The following TRIM68 variants were observed in gnomAD, a reference collection of about 807,000 sequenced individuals.
TRIM68 encodes E3 ubiquitin-protein ligase TRIM68.
A neutral mutation model predicts 41.9 loss-of-function variants in TRIM68; 36 were observed. The observed-to-expected ratio is 0.86, with a 90% confidence interval of 0.66 to 1.14. The LOEUF (loss-of-function observed/expected upper bound fraction) is 1.14, where lower values mean the gene tolerates loss of function less well. Ranked by LOEUF, TRIM68 falls within the 50% of genes most tolerant of loss-of-function variation. The pLI is 0.00. For missense variants in TRIM68, 632 were observed against 605.1 expected (o/e 1.04, Z -0.47); for synonymous variants, 225 against 224.6 (o/e 1.00, Z -0.02).
Position 4,600,372 on chromosome 11 carries a change from G to C in TRIM68, c.1362C>G (p.Phe454Leu). ...SHIFTFPRYPFPGRLLPYFSP... is the reference protein window; with the variant it reads ...SHIFTFPRYPLPGRLLPYFSP... ...TAAAATAGGGCAGGAGGCGCCCAGG[G>C]AAGGGATAGCGGGGGAAAGTGAAGA... Residue 454 changes from phenylalanine (F) to leucine (L), a missense_variant, in exon 7 of 7, where the codon TTC becomes TTG. Coordinates refer to ENST00000300747, the MANE Select transcript of TRIM68 (RefSeq NM_018073.8). 1.9e-6 allele frequency: 3 copies of C among 1,614,094 alleles called. No homozygotes were observed. Among genetic ancestry groups the C allele is most frequent in the Non-Finnish European group, 2.5e-6 (3 of 1,179,992 alleles).
chr11:4,607,206 T>C (rs1235994257), intron 1 of TRIM68, among the ~76,000 whole-genome samples: 1 of 152,230 alleles, frequency 6.6e-6, no homozygotes, highest in Non-Finnish European at 1.5e-5. Flanking sequence ...TTGACGTCAT[T>C]TGCCATGTAT....
chr11:4,603,906 GCTATTTTAACAAAATAGCAA>G (rs1564865949), intron 2 of TRIM68, among the ~76,000 whole-genome samples: 1 of 152,122 alleles, frequency 6.6e-6, no homozygotes, highest in Non-Finnish European at 1.5e-5. Flanking sequence ...ATTTAATTCT[GCTATTTTAACAAAATAGCAA>G]CTATTTTGTT....
rs778014134 is a variant in TRIM68, at chr11:4,600,690, CA to C, written c.1043del (p.Leu348ArgfsTer32). The part of the protein sequence containing the change: ...PERFYRYNIV[L>X]GSQCISSGRH... ...GGCCTGAGGAGATGCACTGGCTTCCCAGGACGATATTATAGCGGTAAAATCT... is the reference window on the plus strand; with the variant it reads ...GGCCTGAGGAGATGCACTGGCTTCCCGGACGATATTATAGCGGTAAAATCT... On this transcript the variant is annotated frameshift_variant, in exon 7 of 7. Coordinates refer to ENST00000300747, the MANE Select transcript of TRIM68 (RefSeq NM_018073.8). LOFTEE classifies it low-confidence loss of function (END_TRUNC). The C allele has an allele frequency of 9.3e-6, 15 of 1,614,176 alleles. No homozygotes were observed. The highest frequency in any genetic ancestry group is 1.3e-5 in the Non-Finnish European group (15 of 1,180,032).
chr11:4,603,551 T>A lies in TRIM68; in HGVS notation c.427-211A>T, dbSNP rs2231966. On this transcript the variant is annotated intron_variant, in intron 2 of 6. Transcript: ENST00000300747. The stretch of plus-strand genomic sequence containing the variant: ...CATTTCAACTCCCACAGTCTCTAAA[T>A]GTCTGTAAACTGGAAGAAAAGGTCC... Among the ~76,000 whole-genome samples, 875 of 152,356 alleles carry A rather than the reference T, an allele frequency of 5.7e-3. 10 individuals carry two copies. Among genetic ancestry groups the A allele is most frequent in the African/African-American group, 0.02 (841 of 41,588 alleles).
At chr11:4,603,133 G>A (rs1846517889) in intron 3 of TRIM68, 112 bp downstream of exon 3, 5 of 1,033,254 alleles carry the variant, frequency 4.8e-6, no homozygotes, top group Non-Finnish European at 7.5e-6. Context: ...CCTAGGCTCT[G>A]TGATTTCAAG....
chr11:4,603,143 G>A, intron 3 of TRIM68, 102 bp downstream of exon 3: 1 of 1,112,020 alleles, frequency 9.0e-7, no homozygotes, highest in Non-Finnish European at 1.4e-6. Flanking sequence ...GTGATTTCAA[G>A]CCTCACATTC....
chr11:4,602,528 A>G (rs1846509835), intron 3 of TRIM68, 116 bp from the exon 4 acceptor site: 2 of 1,341,438 alleles, frequency 1.5e-6, no homozygotes, highest in Non-Finnish European at 2.0e-6. Flanking sequence ...CAGGCTATGC[A>G]GGGGCAAAGA....
At chr11:4,603,209 AC>A in intron 3 of TRIM68, 35 bp downstream of exon 3, 1 of 1,599,024 alleles carries the variant, frequency 6.3e-7, no homozygotes, top group Non-Finnish European at 8.6e-7. Flanking sequence ...ACACAGGACG[AC>A]TGACACAAAC....
At position 4,601,107 on chromosome 11, in the gene TRIM68, T is replaced by A. The variant is rs1846483202; in HGVS notation, c.827A>T (p.Gln276Leu). 1 of 1,614,062 alleles carries A rather than the reference T, an allele frequency of 6.2e-7. No individual in the cohort carries two copies. Among genetic ancestry groups the A allele is most frequent in the African/African-American group, 1.3e-5 (1 of 74,934 alleles). Reference sequence around the variant, plus strand: ...CTCCAGGGAGATTGGTTCTGGCTGCTGCAAGCTCCAAGATTTGCTCCTGGT... The same window carrying A: ...CTCCAGGGAGATTGGTTCTGGCTGCAGCAAGCTCCAAGATTTGCTCCTGGT... Reference protein sequence around the residue: ...VLNRSKSWSLQQPEPISLELK... With the variant: ...VLNRSKSWSLLQPEPISLELK... Residue 276 changes from glutamine to leucine, a missense_variant, in exon 6 of 7, where the codon CAG becomes CTG. Coordinates refer to ENST00000300747, the MANE Select transcript of TRIM68 (RefSeq NM_018073.8).
rs1287575373 is a variant in TRIM68 at position 4,601,543 on chromosome 11, T to C, written c.806+121A>G. On this transcript the variant is annotated intron_variant, in intron 5 of 6. Transcript: ENST00000300747. ...CATTACCATGTAAGTGGGACGAGACTGTGGACCAGCACCTGCTTTTCTGTG... is the reference window on the plus strand; with the variant it reads ...CATTACCATGTAAGTGGGACGAGACCGTGGACCAGCACCTGCTTTTCTGTG... 1.6e-5 allele frequency: 17 copies of C among 1,041,046 alleles called. No individual in the cohort carries two copies. The Admixed American group carries it at 3.1e-4, about 19-fold the overall frequency. The allele number at this position is 1,041,046 out of a possible 1,614,324, so 64.5% of individuals were successfully genotyped here. A position where few individuals can be genotyped will look rare whatever the true frequency, so the allele number is the denominator to read the frequency against.
chr11:4,600,389 A>C lies in TRIM68; in HGVS notation c.1345T>G (p.Phe449Val). ...CGCCCAGGGAAGGGATAGCGGGGGA[A>C]AGTGAAGATGTGGGAGCCACAGTCA... ...VTDCGSHIFT[F>V]PRYPFPGRLL... The change falls in exon 7 of 7, where the codon TTC becomes GTC. Residue 449 changes from phenylalanine to valine, a missense_variant. Physicochemically the swap from Phe to Val is conservative, Grantham distance 50 (BLOSUM62 -1). Transcript: ENST00000300747. The C allele has an allele frequency of 6.2e-7, 1 of 1,614,148 alleles. No individual in the cohort carries two copies. The highest frequency in any genetic ancestry group is 2.2e-5 in the East Asian group (1 of 44,872).
At chr11:4,603,401 A>T in intron 2 of TRIM68, 61 bp from the exon 3 acceptor site, 3 of 1,516,022 alleles carry the variant, frequency 2.0e-6, no homozygotes, top group Non-Finnish European at 2.7e-6. Context: ...TAGCACTGGG[A>T]GGCTATGGGA....
At position 4,600,730 on chromosome 11, in the gene TRIM68, G is replaced by C; in HGVS notation, c.1004C>G (p.Pro335Arg). 1 of 1,614,156 alleles carries C rather than the reference G, an allele frequency of 6.2e-7. No individual in the cohort carries two copies. The highest frequency in any genetic ancestry group is 8.5e-7 in the Non-Finnish European group (1 of 1,180,038). ...GCGGTAAAATCTCTCAGGATTGTCT[G>C]GCAGTTTCTGGTTGGTGTCTCCATA... ...VHYGDTNQKL[P>R]DNPERFYRYN... Residue 335 changes from proline to arginine, a missense_variant, in exon 7 of 7, where the codon CCA becomes CGA. Transcript: ENST00000300747.
intron 6 of TRIM68, 28 bp downstream of exon 6, chr11:4,600,999 C>A: frequency 6.2e-7 from 1 of 1,606,456 alleles, no homozygotes; most frequent in South Asian, 1.1e-5. Flanking sequence ...TCCCACTGTC[C>A]ACTACAGTCT....
Position 4,600,278 on chromosome 11 carries a change from A to T in TRIM68, c.1456T>A (p.Ter486LysextTer25). Residue 486 changes from the stop codon to lysine, a stop_lost, in exon 7 of 7, where the codon TAA becomes AAA. Transcript: ENST00000300747. ...CTCTGGTTAGGGTGGTAGCTTTCTT[A>T]GTCCTCCCCATCCAGGGAGCAGATG... ...LAICSLDGED[*>K] 6.4e-7 allele frequency: 1 copy of T among 1,566,232 alleles called. No homozygotes were observed. Among genetic ancestry groups the T allele is most frequent in the Non-Finnish European group, 8.6e-7 (1 of 1,156,746 alleles).
At position 4,603,379 on chromosome 11, in the gene TRIM68, G is replaced by A. The variant is rs187278140; in HGVS notation, c.427-39C>T. 187 of 1,599,904 alleles carry A rather than the reference G, an allele frequency of 1.2e-4. No individual in the cohort carries two copies. In the African/African-American group the frequency reaches 2.2e-3, roughly 19 times the overall value. The stretch of plus-strand genomic sequence containing the variant: ...AACCCTCATGAGGCCACCTCCGGCA[G>A]CCTAGGCTTCCTAGCACTGGGAGGC... On this transcript the variant is annotated intron_variant, in intron 2 of 6. Coordinates refer to ENST00000300747, the MANE Select transcript of TRIM68 (RefSeq NM_018073.8).
At chr11:4,602,558 T>C (rs931811) in intron 3 of TRIM68, 146 bp from the exon 4 acceptor site, 585,977 of 1,076,770 alleles carry the variant, frequency 0.54, 163,828 homozygotes, top group East Asian at 0.64. Context: ...CTATTTTTCC[T>C]AGCTTCCTGT....
chr11:4,605,628 G>A, intron 1 of TRIM68, 67 bp from the exon 2 acceptor site: 12 of 986,360 alleles, frequency 1.2e-5, no homozygotes, highest in Non-Finnish European at 1.6e-5. Context: ...ATCAGTAACA[G>A]GAATAATTAA....
At chr11:4,602,075 G>A in intron 4 of TRIM68, 77 bp downstream of exon 4, 3 of 1,591,490 alleles carry the variant, frequency 1.9e-6, no homozygotes, top group East Asian at 4.5e-5. Flanking sequence ...CTACTGAAGG[G>A]TAACTGATGC....
Sources: allele counts gnomAD v4.1 joint callset (sites outside exome capture counted in the v4.1 genomes callset), GRCh38; gene constraint gnomAD v4.1.1; transcripts MANE v1.5; gene names NCBI Gene and HGNC (gene_info 2026-07-23, HGNC 2026-07-21).